The following PHF8 variants were observed in gnomAD, a reference collection of about 807,000 sequenced individuals.
The protein encoded by PHF8 is histone lysine demethylase PHF8.
In PHF8, 9 loss-of-function variants were observed where a neutral mutation model predicts 74.4. That is an observed-to-expected ratio of 0.12 (90% CI 0.07 to 0.21). The LOEUF (loss-of-function observed/expected upper bound fraction) is 0.21. Ranked by LOEUF, PHF8 falls within the 10% of genes least tolerant of loss-of-function variation. The pLI is 1.00. For missense variants in PHF8, 478 were observed against 816.6 expected, an observed-to-expected ratio of 0.59 and a Z score of 5.05; for synonymous variants, 311 against 316.6, an observed-to-expected ratio of 0.98 and a Z score of 0.19.
rs1375586249 is a variant in PHF8, at chrX:54,044,292, G to C, written c.-623C>G. Reference sequence around the variant, plus strand: ...GAGGCACACGGCCCGAAAAGTCGCTGGGAGAAGCCCAGTGGCGGTGGTAGG... The same window carrying C: ...GAGGCACACGGCCCGAAAAGTCGCTCGGAGAAGCCCAGTGGCGGTGGTAGG... On this transcript the variant is annotated 5_prime_UTR_variant, in exon 1 of 22. Transcript: ENST00000338154. 1 of 754,376 alleles carries C rather than the reference G, an allele frequency of 1.3e-6. No homozygotes were observed. The highest frequency in any genetic ancestry group is 1.6e-6 in the Non-Finnish European group (1 of 639,275). 62.2% of individuals were successfully genotyped at this position (754,376 alleles called of 1,213,427 possible).
In PHF8 at chrX:53,938,384, A is replaced by G; in HGVS notation, c.*774T>C. 3 of 877,305 alleles carry G rather than the reference A, an allele frequency of 3.4e-6. No individual in the cohort carries two copies. Among genetic ancestry groups the G allele is most frequent in the Non-Finnish European group, 4.2e-6 (3 of 715,589 alleles). The allele number at this position is 877,305 out of a possible 1,213,427, so 72.3% of individuals were successfully genotyped here. ...TTTCAAAATCCAGGCAAATCCCTGGAGCTCACCCTAAAACAAGTGGCCTCA... is the reference window on the plus strand; with the variant it reads ...TTTCAAAATCCAGGCAAATCCCTGGGGCTCACCCTAAAACAAGTGGCCTCA... On this transcript the variant is annotated 3_prime_UTR_variant, in exon 22 of 22. Transcript: ENST00000338154.
intron 6 of PHF8, among the ~76,000 whole-genome samples, chrX:54,015,500 A>C (rs928850575): frequency 1.0e-5 from 1 of 98,609 alleles, no homozygotes; most frequent in Non-Finnish European, 2.0e-5. Context: ...GGCGTGAACC[A>C]GGGAGGCGGA....
At chrX:53,964,736 G>T (rs782323231) in intron 18 of PHF8, among the ~76,000 whole-genome samples, 2 of 109,621 alleles carry the variant, frequency 1.8e-5, no homozygotes, top group Non-Finnish European at 3.8e-5. Flanking sequence ...GCGTGGTGGC[G>T]CGCACCTGTA....
chrX:54,032,233 T>C (rs1449535024), intron 2 of PHF8, among the ~76,000 whole-genome samples: 1 of 111,568 alleles, frequency 9.0e-6, no homozygotes, highest in African/African-American at 3.3e-5. Context: ...ATCTCCAGAG[T>C]TTCTGATTCA....
chrX:53,957,013 C>T (rs1237274277), intron 19 of PHF8, among the ~76,000 whole-genome samples: 5 of 109,863 alleles, frequency 4.6e-5, no homozygotes, highest in African/African-American at 1.7e-4. Context: ...GAGTTCGAGA[C>T]CAACCTGGCC....
intron 8 of PHF8, among the ~76,000 whole-genome samples, 160 bp from the exon 9 acceptor site, chrX:54,002,842 T>C (rs1790730896): frequency 1.8e-5 from 2 of 112,037 alleles, no homozygotes; most frequent in African/African-American, 6.5e-5. Flanking sequence ...AAGGAATCCT[T>C]AGGCTCCCTG....
intron 6 of PHF8, among the ~76,000 whole-genome samples, chrX:54,016,291 C>G (rs942484712): frequency 2.7e-5 from 3 of 110,421 alleles, no homozygotes; most frequent in African/African-American, 9.9e-5. Flanking sequence ...GTAGGGAGTT[C>G]GAGACCAGCC....
intron 21 of PHF8, 91 bp downstream of exon 21, chrX:53,940,089 C>T (rs2064726411): frequency 1.4e-6 from 1 of 715,453 alleles, no homozygotes; most frequent in Non-Finnish European, 2.1e-6. Context: ...CTTCAGTGTC[C>T]CTCCCTGGTA....
rs1359139123 is a variant in PHF8 at position 53,938,144 on chromosome X, A to G, written c.*1014T>C. On this transcript the variant is annotated 3_prime_UTR_variant, in exon 22 of 22. Transcript: ENST00000338154. Reference sequence around the variant, plus strand: ...ACCTCAGGTGGAGAAAGAAGCATGAAAAGTTCCCGATGGAGGACCCAGGTG... The same window carrying G: ...ACCTCAGGTGGAGAAAGAAGCATGAGAAGTTCCCGATGGAGGACCCAGGTG... 4.4e-6 allele frequency: 5 copies of G among 1,129,445 alleles called. No individual in the cohort carries two copies. In the East Asian group the frequency reaches 9.9e-5, roughly 22 times the overall value. 93.1% of individuals were successfully genotyped at this position (1,129,445 alleles called of 1,213,427 possible).
intron 11 of PHF8, 60 bp downstream of exon 11, chrX:53,999,810 C>G (rs1031415604): frequency 1.7e-5 from 12 of 721,799 alleles, no homozygotes; most frequent in Non-Finnish European, 2.6e-5. Flanking sequence ...AACATCTACC[C>G]AAATCCAGTC....
intron 2 of PHF8, 89 bp downstream of exon 2, chrX:54,042,542 G>C (rs1603347807): frequency 2.4e-6 from 2 of 829,312 alleles, no homozygotes; most frequent in African/African-American, 2.0e-5. Context: ...TCCTGAGCCG[G>C]AATCTAAAAA....
At chrX:53,967,220 G>A (rs1217840428) in intron 18 of PHF8, among the ~76,000 whole-genome samples, 1 of 106,789 alleles carries the variant, frequency 9.4e-6, no homozygotes, top group Non-Finnish European at 2.0e-5. Flanking sequence ...CTACTGGGAA[G>A]TGAGGAGCCC....
intron 1 of PHF8, 95 bp from the exon 2 acceptor site, chrX:54,042,915 G>C: frequency 2.9e-6 from 2 of 681,615 alleles, no homozygotes; most frequent in Non-Finnish European, 4.2e-6. Context: ...TACCGCCGCC[G>C]GGATGCAACA....
At chrX:54,036,117 AAAAG>A (rs2066451028) in intron 2 of PHF8, among the ~76,000 whole-genome samples, 1 of 108,872 alleles carries the variant, frequency 9.2e-6, no homozygotes. Context: ...AAAAAAAAAA[AAAAG>A]AAAAGAAAAA....
chrX:54,006,211 G>A (rs1349561639), intron 8 of PHF8, among the ~76,000 whole-genome samples: 3 of 111,944 alleles, frequency 2.7e-5, no homozygotes, highest in African/African-American at 9.8e-5. Context: ...GCCCGGTGCG[G>A]TGACTCACGC....
rs1557082321 is a variant in PHF8, at chrX:53,938,095, TC to T, written c.*1062del. On this transcript the variant is annotated 3_prime_UTR_variant, in exon 22 of 22. Transcript: ENST00000338154. The stretch of plus-strand genomic sequence containing the variant: ...AAAGGCCCAGGAGTGAAGATGTGAG[TC>T]CTGAGGTCTTCTTCAGACCAAGACC... 7.8e-6 allele frequency: 9 copies of T among 1,156,133 alleles called. No individual in the cohort carries two copies. Among genetic ancestry groups the T allele is most frequent in the Non-Finnish European group, 9.2e-6 (8 of 866,423 alleles).
chrX:54,041,100 C>G (rs1265412351), intron 2 of PHF8, among the ~76,000 whole-genome samples: 1 of 111,625 alleles, frequency 9.0e-6, no homozygotes, highest in Non-Finnish European at 1.9e-5. Context: ...AAATAGCTTG[C>G]TGGGCATAGT....
chrX:54,010,553 A>C (rs1435031569), intron 8 of PHF8, among the ~76,000 whole-genome samples: 1 of 111,746 alleles, frequency 8.9e-6, no homozygotes, highest in Non-Finnish European at 1.9e-5. Flanking sequence ...TTTTAAGAAA[A>C]TTTAACACTA....
chrX:54,021,581 G>C (rs1207327270), intron 4 of PHF8, among the ~76,000 whole-genome samples: 1 of 97,039 alleles, frequency 1.0e-5, no homozygotes, highest in Non-Finnish European at 2.0e-5. Context: ...CCATTCTCCT[G>C]CCTCAGCCTC....
Sources: gnomAD v4.1 joint callset for allele counts (sites outside exome capture counted in the v4.1 genomes callset) on GRCh38, gnomAD v4.1.1 for gene constraint, MANE v1.5 for transcripts, NCBI Gene and HGNC (gene_info 2026-07-23, HGNC 2026-07-21) for gene names.